Variants in ASXL3 observed in about 807,000 individuals in gnomAD.
The protein encoded by ASXL3 is ASXL transcriptional regulator 3, also known as putative Polycomb group protein ASXL3.
A neutral mutation model predicts 170.6 loss-of-function variants in ASXL3; 34 were observed. That is an observed-to-expected ratio of 0.20 (90% confidence interval 0.15 to 0.27). ASXL3 has a LOEUF of 0.27. Ranked by LOEUF, ASXL3 falls within the 10% of genes least tolerant of loss-of-function variation. The pLI, the probability that ASXL3 is intolerant of heterozygous loss-of-function variation, is 1.00. For synonymous variants in ASXL3, 1,002 were observed against 989.1 expected (o/e 1.01, Z -0.24); for missense variants, 2,592 against 2,695.3 (o/e 0.96, Z 0.85).
chr18:33,713,313 G>A (rs1467572453), intron 8 of ASXL3, among the ~76,000 whole-genome samples: 2 of 89,886 alleles, frequency 2.2e-5, no homozygotes, highest in Admixed American at 1.5e-4. Flanking sequence ...GGAGTGCAGT[G>A]GCACAATCTT....
At chr18:33,614,070 T>A (rs975445134) in intron 2 of ASXL3, among the ~76,000 whole-genome samples, 1 of 152,112 alleles carries the variant, frequency 6.6e-6, no homozygotes, top group Admixed American at 6.6e-5. Flanking sequence ...TTGCTTAAAG[T>A]AAGACAACAA....
intron 8 of ASXL3, among the ~76,000 whole-genome samples, chr18:33,713,211 G>A (rs1041048305): frequency 4.3e-5 from 6 of 139,420 alleles, no homozygotes; most frequent in Admixed American, 2.3e-4. Flanking sequence ...GAGGCAGTTA[G>A]CAATCTACCA....
chr18:33,674,080 A>G (rs2066389301), intron 7 of ASXL3, among the ~76,000 whole-genome samples: 1 of 152,228 alleles, frequency 6.6e-6, no homozygotes, highest in Admixed American at 6.5e-5. Context: ...TCTGTTTTAC[A>G]GCTGAAGGAG....
intron 11 of ASXL3, 42 bp downstream of exon 11, chr18:33,740,485 T>A (rs2067645148): frequency 1.4e-6 from 2 of 1,463,936 alleles, no homozygotes; most frequent in African/African-American, 2.8e-5. Context: ...GTAGATAGGC[T>A]TTTCCTATTT....
At chr18:33,684,847 C>A (rs1434348063) in intron 8 of ASXL3, among the ~76,000 whole-genome samples, 6 of 152,092 alleles carry the variant, frequency 3.9e-5, no homozygotes, top group Non-Finnish European at 4.4e-5. Context: ...ATTTAAAATT[C>A]TTGAATTGGG....
intron 1 of ASXL3, among the ~76,000 whole-genome samples, chr18:33,596,633 A>G (rs1329896266): frequency 3.3e-5 from 5 of 152,216 alleles, no homozygotes; most frequent in Middle Eastern, 3.2e-3. Context: ...AACATTGAAT[A>G]ATTTTTCTGA....
At chr18:33,600,954 G>T (rs991598561) in intron 1 of ASXL3, among the ~76,000 whole-genome samples, 1 of 152,044 alleles carries the variant, frequency 6.6e-6, no homozygotes, top group Non-Finnish European at 1.5e-5. Context: ...CTATATTTTT[G>T]ATTTGTAACA....
rs1599567162 is a variant in ASXL3 at position 33,740,552 on chromosome 18, A to G, written c.3039+109A>G. ...TTCTTCCTTCTAGGTTTTATGCAGCAGTTTATAATCTAATCCTCTAATAGT... is the reference window on the plus strand; with the variant it reads ...TTCTTCCTTCTAGGTTTTATGCAGCGGTTTATAATCTAATCCTCTAATAGT... On this transcript the variant is annotated intron_variant, in intron 11 of 11. Transcript: ENST00000269197. 8 of 1,112,296 alleles carry G rather than the reference A, an allele frequency of 7.2e-6. No individual in the cohort carries two copies. In the East Asian group the frequency reaches 2.1e-4, roughly 29 times the overall value. 68.9% of individuals were successfully genotyped at this position (1,112,296 alleles called of 1,614,324 possible). A position where few individuals can be genotyped will look rare whatever the true frequency, so the allele number is the denominator to read the frequency against.
chr18:33,636,501 C>A (rs1408738205), intron 2 of ASXL3, among the ~76,000 whole-genome samples: 1 of 152,026 alleles, frequency 6.6e-6, no homozygotes, highest in African/African-American at 2.4e-5. Flanking sequence ...GCAGGGAGAC[C>A]AGTTAGAGAT....
chr18:33,707,661 C>A (rs1376664051), intron 8 of ASXL3, among the ~76,000 whole-genome samples: 1 of 151,868 alleles, frequency 6.6e-6, no homozygotes, highest in Admixed American at 6.6e-5. Context: ...ATGCTTATAC[C>A]TTTCTTGCCT....
chr18:33,618,090 G>T (rs1156446724), intron 2 of ASXL3, among the ~76,000 whole-genome samples: 1 of 151,988 alleles, frequency 6.6e-6, no homozygotes, highest in Non-Finnish European at 1.5e-5. Context: ...TTTTATAGTT[G>T]ATTTGTTTTC....
At chr18:33,710,662 C>G (rs2145347468) in intron 8 of ASXL3, among the ~76,000 whole-genome samples, 1 of 152,164 alleles carries the variant, frequency 6.6e-6, no homozygotes, top group Middle Eastern at 3.4e-3. Flanking sequence ...GAATTTTTGT[C>G]CTTAATGATC....
chr18:33,664,263 G>C (rs138053922), intron 5 of ASXL3, among the ~76,000 whole-genome samples: 73 of 152,246 alleles, frequency 4.8e-4, no homozygotes, highest in Non-Finnish European at 7.1e-4. Context: ...ATCCAGAACC[G>C]TAGTTTCAGA....
At chr18:33,695,607 A>AATT (rs756102541) in intron 8 of ASXL3, among the ~76,000 whole-genome samples, 38 of 152,150 alleles carry the variant, frequency 2.5e-4, no homozygotes, top group Non-Finnish European at 1.9e-4. Context: ...GACTCAATTA[A>AATT]ATTACAGATT....
chr18:33,667,579 A>AT (rs1380282364), intron 5 of ASXL3, among the ~76,000 whole-genome samples: 2 of 151,632 alleles, frequency 1.3e-5, no homozygotes, highest in Non-Finnish European at 2.9e-5. Context: ...ATGTGATACT[A>AT]TTTTTTTACT....
chr18:33,638,223 A>G (rs1036582776), intron 2 of ASXL3, among the ~76,000 whole-genome samples: 2 of 150,778 alleles, frequency 1.3e-5, no homozygotes, highest in Non-Finnish European at 3.0e-5. Flanking sequence ...TATATTATCA[A>G]ATACACAAAT....
chr18:33,744,022 A>G lies in ASXL3; in HGVS notation c.4174A>G (p.Arg1392Gly), dbSNP rs1038443972. The change falls in exon 12 of 12, where the codon AGA (arginine) becomes GGA (glycine). Residue 1392 changes from arginine to glycine, a missense_variant. By Grantham distance (125) the Arg-to-Gly change is moderately radical. Transcript: ENST00000269197. ...QATVSMGTTV[R>G]AALSCSDSVA... ...CACTGTATCCATGGGTACCACTGTG[A>G]GAGCAGCCCTCAGCTGCAGTGATTC... 1 of 1,613,920 alleles carries G rather than the reference A, an allele frequency of 6.2e-7. No individual in the cohort carries two copies. Among genetic ancestry groups the G allele is most frequent in the African/African-American group, 1.3e-5 (1 of 74,940 alleles).
intron 1 of ASXL3, among the ~76,000 whole-genome samples, chr18:33,596,743 T>G (rs1481796752): frequency 6.6e-6 from 1 of 152,202 alleles, no homozygotes; most frequent in African/African-American, 2.4e-5. Context: ...TGTAACTGTT[T>G]CTGTTATTGG....
intron 1 of ASXL3, among the ~76,000 whole-genome samples, chr18:33,585,387 A>G (rs2065026634): frequency 6.6e-6 from 1 of 152,160 alleles, no homozygotes; most frequent in South Asian, 2.1e-4. Flanking sequence ...TAGAAACATT[A>G]TATGATTAAC....
Sources: allele counts gnomAD v4.1 joint callset (sites outside exome capture counted in the v4.1 genomes callset), GRCh38; gene constraint gnomAD v4.1.1; transcripts MANE v1.5; gene names NCBI Gene and HGNC (gene_info 2026-07-23, HGNC 2026-07-21).